Variants in FAAH2 observed in about 807,000 individuals in gnomAD.
FAAH2 encodes fatty acid amide hydrolase 2, also known as fatty-acid amide hydrolase 2.
Under a neutral mutation model 36.9 loss-of-function variants are expected in FAAH2, and 60 were observed. The observed-to-expected ratio is 1.63, with a 90% CI of 1.32 to 2.02. The LOEUF is 2.02. Ranked by LOEUF, FAAH2 falls within the 30% of genes most tolerant of loss-of-function variation. FAAH2 has a pLI of 0.00. For missense variants in FAAH2, 689 were observed against 397.5 expected, an observed-to-expected ratio of 1.73 and a Z score of -6.23; for synonymous variants, 214 against 143.8, an observed-to-expected ratio of 1.49 and a Z score of -3.49.
chrX:57,165,108 C>A, the FAAH2 span, among the ~76,000 whole-genome samples: 2 of 112,453 alleles, frequency 1.8e-5, no homozygotes, highest in African/African-American at 6.5e-5. Context: ...TAAACTAGTT[C>A]AACCATTGTG....
At chrX:57,429,990 C>T (rs1258039447) in intron 7 of FAAH2, among the ~76,000 whole-genome samples, 1 of 110,519 alleles carries the variant, frequency 9.0e-6, no homozygotes, top group Non-Finnish European at 1.9e-5. Flanking sequence ...ATGTATAGAA[C>T]TGGACATAAG....
chrX:57,437,712 A>T (rs2056438178), intron 8 of FAAH2, among the ~76,000 whole-genome samples: 1 of 84,060 alleles, frequency 1.2e-5, no homozygotes, highest in Admixed American at 1.5e-4. Flanking sequence ...ATAAATATAT[A>T]ACATATTTAT....
At chrX:57,133,766 G>A in the FAAH2 span, among the ~76,000 whole-genome samples, 1 of 112,074 alleles carries the variant, frequency 8.9e-6, no homozygotes, top group Middle Eastern at 4.2e-3. Context: ...TCTGAGATTG[G>A]TCCCTGGGCA....
intron 7 of FAAH2, among the ~76,000 whole-genome samples, chrX:57,410,906 T>C (rs2055681766): frequency 8.9e-6 from 1 of 112,021 alleles, no homozygotes; most frequent in African/African-American, 3.2e-5. Context: ...TTTTGAATTC[T>C]TTGTCAGGCA....
At chrX:57,123,718 CATT>C in the FAAH2 span, among the ~76,000 whole-genome samples, 1 of 112,358 alleles carries the variant, frequency 8.9e-6, no homozygotes, top group Non-Finnish European at 1.9e-5. Context: ...GATGGTATCT[CATT>C]GTGGTTTTGA....
intron 7 of FAAH2, among the ~76,000 whole-genome samples, chrX:57,414,360 A>C (rs2055783009): frequency 8.9e-6 from 1 of 112,040 alleles, no homozygotes; most frequent in African/African-American, 3.2e-5. Context: ...GTTTGTCATA[A>C]ATAGCTCTTA....
the FAAH2 span, among the ~76,000 whole-genome samples, chrX:57,176,314 CA>C: frequency 1.8e-5 from 2 of 108,659 alleles, no homozygotes; most frequent in Non-Finnish European, 3.8e-5. Flanking sequence ...TGGATTAATT[CA>C]AAAGCTTTCT....
chrX:57,417,460 T>C (rs1435703231), intron 7 of FAAH2, among the ~76,000 whole-genome samples: 1 of 112,001 alleles, frequency 8.9e-6, no homozygotes, highest in Non-Finnish European at 1.9e-5. Context: ...TTTGGTTTGT[T>C]AGTCTATTTT....
chrX:57,352,352 A>T (rs1317807261), intron 5 of FAAH2, among the ~76,000 whole-genome samples: 2 of 106,926 alleles, frequency 1.9e-5, no homozygotes, highest in African/African-American at 6.8e-5. Context: ...CAACAGAATC[A>T]AGAACAAAAA....
At chrX:57,468,201 C>T (rs1186798936) in intron 10 of FAAH2, among the ~76,000 whole-genome samples, 2 of 111,737 alleles carry the variant, frequency 1.8e-5, no homozygotes, top group Admixed American at 9.5e-5. Flanking sequence ...TCTCCCCCTC[C>T]AAAGGAACGC....
chrX:57,421,766 C>T (rs756105269), intron 7 of FAAH2, among the ~76,000 whole-genome samples: 5 of 111,756 alleles, frequency 4.5e-5, no homozygotes, highest in African/African-American at 9.8e-5. Flanking sequence ...ATTTGTTGAG[C>T]GTGGGTCCAT....
intron 8 of FAAH2, among the ~76,000 whole-genome samples, chrX:57,442,014 G>C (rs1391715118): frequency 1.8e-5 from 2 of 111,871 alleles, no homozygotes; most frequent in Non-Finnish European, 3.8e-5. Flanking sequence ...TTGCTGAAGA[G>C]TACTTTACTT....
At chrX:57,284,380 A>G (rs185186385), upstream of FAAH2, among the ~76,000 whole-genome samples, 307 of 93,582 alleles carry the variant, frequency 3.3e-3, no homozygotes, top group African/African-American at 0.014. Flanking sequence ...ATGAGACACC[A>G]TATCATAACA....
chrX:57,280,181 C>T, the FAAH2 span, among the ~76,000 whole-genome samples: 6 of 111,272 alleles, frequency 5.4e-5, no homozygotes, highest in African/African-American at 2.0e-4. Flanking sequence ...CCAAATTGGT[C>T]TATAGATTCA....
intron 7 of FAAH2, among the ~76,000 whole-genome samples, chrX:57,419,116 A>C (rs2055933743): frequency 1.8e-5 from 2 of 108,631 alleles, no homozygotes; most frequent in Admixed American, 2.0e-4. Flanking sequence ...CCAGTCTATC[A>C]TTGTTGGACA....
chrX:57,242,991 C>A, the FAAH2 span, among the ~76,000 whole-genome samples: 1 of 112,275 alleles, frequency 8.9e-6, no homozygotes, highest in Non-Finnish European at 1.9e-5. Context: ...GAAAGCCCAG[C>A]AAGCTAAGAT....
At chrX:57,296,743 G>A (rs185039504) in intron 2 of FAAH2, among the ~76,000 whole-genome samples, 282 of 111,525 alleles carry the variant, frequency 2.5e-3, no homozygotes, top group South Asian at 0.012. Flanking sequence ...AATAATCAAG[G>A]CAGAGAAGTC....
At chrX:57,392,699 A>G in intron 7 of FAAH2, 1 of 627,423 alleles carries the variant, frequency 1.6e-6, no homozygotes, top group Non-Finnish European at 2.7e-6. Flanking sequence ...TCATAAAAAC[A>G]GGGCTGGGTG....
chrX:57,280,928 C>T, the FAAH2 span, among the ~76,000 whole-genome samples: 1 of 112,186 alleles, frequency 8.9e-6, no homozygotes, highest in African/African-American at 3.2e-5. Context: ...TACAACCTGG[C>T]TGAATCTCCA....
Sources: gnomAD v4.1 joint callset for allele counts (sites outside exome capture counted in the v4.1 genomes callset) on GRCh38, gnomAD v4.1.1 for gene constraint, MANE v1.5 for transcripts, NCBI Gene and HGNC (gene_info 2026-07-23, HGNC 2026-07-21) for gene names.